The following FMN1 variants were observed in gnomAD, a reference collection of about 807,000 sequenced individuals.
The protein encoded by FMN1 is formin 1, also known as formin-1.
FMN1 carries 110 observed loss-of-function variants against 132.4 expected under a neutral mutation model. The ratio of observed to expected loss-of-function variants is 0.83; its 90% confidence interval spans 0.71 to 0.97. FMN1 has a LOEUF of 0.97. Among genes scored for constraint, FMN1 ranks in the 50% least tolerant of loss-of-function variants. FMN1 has a pLI of 0.00. For synonymous variants in FMN1, 722 were observed against 651.7 expected (o/e 1.11, Z -1.64); for missense variants, 1,792 against 1,705.3 (o/e 1.05, Z -0.90).
chr15:33,119,978 A>G (rs1962401623), intron 4 of FMN1, among the ~76,000 whole-genome samples: 1 of 152,194 alleles, frequency 6.6e-6, no homozygotes, highest in South Asian at 2.1e-4. Context: ...TAAGCGTCAC[A>G]ACACCTCATT....
intron 16 of FMN1, among the ~76,000 whole-genome samples, chr15:32,859,134 G>T (rs2059205446): frequency 6.6e-6 from 1 of 152,188 alleles, no homozygotes; most frequent in South Asian, 2.1e-4. Context: ...TATCTTGTTG[G>T]ATTATGTTTT....
chr15:32,887,754 T>C (rs897920931), intron 16 of FMN1, among the ~76,000 whole-genome samples: 2 of 152,102 alleles, frequency 1.3e-5, no homozygotes, highest in African/African-American at 4.8e-5. Context: ...GCTCAGTAAA[T>C]CTGTCTATTA....
chr15:33,005,105 A>G (rs965873462), intron 7 of FMN1, among the ~76,000 whole-genome samples: 6 of 152,032 alleles, frequency 3.9e-5, no homozygotes, highest in African/African-American at 1.4e-4. Context: ...TGAGTTAATG[A>G]GTGCAGCACA....
intron 6 of FMN1, chr15:33,013,002 TG>T (rs1403582623): frequency 3.0e-5 from 13 of 427,074 alleles, no homozygotes; most frequent in Non-Finnish European, 3.2e-5. Context: ...GCCAGTACTT[TG>T]CCAAACCACA....
intron 6 of FMN1, among the ~76,000 whole-genome samples, chr15:33,020,934 G>A (rs1386819137): frequency 6.6e-6 from 1 of 152,144 alleles, no homozygotes; most frequent in East Asian, 1.9e-4. Flanking sequence ...TATTTAATCT[G>A]CTTTCACCTC....
intron 6 of FMN1, among the ~76,000 whole-genome samples, chr15:33,056,525 T>C (rs2037223148): frequency 6.6e-6 from 1 of 152,182 alleles, no homozygotes; most frequent in Non-Finnish European, 1.5e-5. Context: ...CCCCCTTTGA[T>C]TGGCCAAAAC....
chr15:33,192,136 C>G (rs4780091), intron 2 of FMN1, among the ~76,000 whole-genome samples: 24,014 of 152,178 alleles, frequency 0.16, 2,762 homozygotes, highest in East Asian at 0.55. Context: ...AAGGCAAGAT[C>G]ATCTAAAGCA....
rs57232200 is a variant in FMN1, at chr15:33,185,568, A to ATTTTTTTTTTTTTTTTT, written c.-196-5323_-196-5307dup. Among the ~76,000 whole-genome samples, 255 of 113,376 alleles carry ATTTTTTTTTTTTTTTTT rather than the reference A, an allele frequency of 2.2e-3. 24 individuals are homozygous for ATTTTTTTTTTTTTTTTT. Among genetic ancestry groups the ATTTTTTTTTTTTTTTTT allele is most frequent in the African/African-American group, 0.01 (245 of 23,840 alleles). 74.4% of individuals were successfully genotyped at this position (113,376 alleles called of 152,430 possible). A position where few individuals can be genotyped will look rare whatever the true frequency, so the allele number is the denominator to read the frequency against. On this transcript the variant is annotated intron_variant, in intron 2 of 20. Transcript: ENST00000616417. ...GTAATTTTTTTTTAATAAAGTAAGA[A>ATTTTTTTTTTTTTTTTT]TTTTTTTTTTTTTTTTTTTTTTACA... is the stretch of plus-strand genomic sequence containing the variant.
intron 16 of FMN1, among the ~76,000 whole-genome samples, chr15:32,873,311 A>G (rs2059559677): frequency 6.6e-6 from 1 of 152,206 alleles, no homozygotes; most frequent in South Asian, 2.1e-4. Context: ...TTGAAAATAG[A>G]GTTGAATATC....
At chr15:33,091,757 A>C (rs2038911032) in intron 4 of FMN1, among the ~76,000 whole-genome samples, 1 of 152,218 alleles carries the variant, frequency 6.6e-6, no homozygotes, top group Non-Finnish European at 1.5e-5. Context: ...TGTATTTATT[A>C]AAATGGGTAA....
intron 4 of FMN1, among the ~76,000 whole-genome samples, chr15:33,126,555 T>A (rs368908404): frequency 1.3e-5 from 2 of 151,914 alleles, no homozygotes; most frequent in African/African-American, 2.4e-5. Flanking sequence ...CTCCATAGAT[T>A]TAGCTGAAGT....
intron 4 of FMN1, among the ~76,000 whole-genome samples, chr15:33,113,214 T>C (rs1407772458): frequency 6.6e-6 from 1 of 151,426 alleles, no homozygotes; most frequent in Non-Finnish European, 1.5e-5. Flanking sequence ...GGTTGCTCAC[T>C]TTCTGACATA....
chr15:33,070,336 C>T (rs2037947455), intron 5 of FMN1, among the ~76,000 whole-genome samples: 1 of 150,720 alleles, frequency 6.6e-6, no homozygotes, highest in Non-Finnish European at 1.5e-5. Flanking sequence ...CAATGCAGAT[C>T]ATCCAATTCT....
At chr15:32,818,254 G>T (rs551366903) in intron 17 of FMN1, among the ~76,000 whole-genome samples, 1 of 151,904 alleles carries the variant, frequency 6.6e-6, no homozygotes, top group East Asian at 1.9e-4. Context: ...ACTTCTAAAT[G>T]AATACTTTTA....
chr15:32,933,738 G>C (rs1438154496), intron 9 of FMN1, among the ~76,000 whole-genome samples: 2 of 151,894 alleles, frequency 1.3e-5, no homozygotes, highest in Non-Finnish European at 2.9e-5. Context: ...TAGAGTTTTT[G>C]ACTTAAATTC....
intron 4 of FMN1, among the ~76,000 whole-genome samples, chr15:33,091,899 T>C (rs1333107743): frequency 1.3e-5 from 2 of 152,194 alleles, no homozygotes; most frequent in African/African-American, 4.8e-5. Flanking sequence ...TTTGGGGGTG[T>C]TAGATCTTTA....
Position 33,067,186 on chromosome 15 carries a change from G to A in FMN1, c.2044-2112C>T, listed in dbSNP as rs778894155. 6.2e-6 allele frequency: 10 copies of A among 1,613,710 alleles called. No individual in the cohort carries two copies. In the South Asian group the frequency reaches 1.1e-4, roughly 18 times the overall value. On this transcript the variant is annotated intron_variant, in intron 5 of 20. Coordinates refer to ENST00000616417, the MANE Select transcript of FMN1 (RefSeq NM_001277313.2). ...CTTGGGACCCTTCTTCTCCCACCTG[G>A]TCCTGGCTGGGGCGACGCTCTGTCT...
At chr15:32,829,140 A>C (rs2058441500) in intron 17 of FMN1, among the ~76,000 whole-genome samples, 1 of 152,222 alleles carries the variant, frequency 6.6e-6, no homozygotes, top group African/African-American at 2.4e-5. Context: ...AGCCCAAATG[A>C]AGCAAAATTT....
At chr15:32,840,753 GC>G (rs1294285028) in intron 17 of FMN1, among the ~76,000 whole-genome samples, 2 of 152,294 alleles carry the variant, frequency 1.3e-5, no homozygotes, top group African/African-American at 4.8e-5. Context: ...AGGAAGCTGT[GC>G]CAGTGGGTCA....
Sources: allele counts gnomAD v4.1 joint callset (sites outside exome capture counted in the v4.1 genomes callset), GRCh38; gene constraint gnomAD v4.1.1; transcripts MANE v1.5; gene names NCBI Gene and HGNC (gene_info 2026-07-23, HGNC 2026-07-21).